The following PTPRG variants were observed in gnomAD, a reference collection of about 807,000 sequenced individuals.
The protein encoded by PTPRG is receptor-type tyrosine-protein phosphatase gamma.
In PTPRG, 102 loss-of-function variants were observed where a neutral mutation model predicts 165.3. That is an observed-to-expected ratio of 0.62 (90% confidence interval 0.53 to 0.73). The LOEUF (loss-of-function observed/expected upper bound fraction) is 0.73. Among genes scored for constraint, PTPRG ranks in the 30% least tolerant of loss-of-function variants. The pLI is 0.00. For synonymous variants in PTPRG, 675 were observed against 669.5 expected, an observed-to-expected ratio of 1.01 and a Z score of -0.13; for missense variants, 1,866 against 1,861.4, an observed-to-expected ratio of 1.00 and a Z score of -0.05.
At chr3:61,969,896 A>G (rs2040346943) in intron 2 of PTPRG, among the ~76,000 whole-genome samples, 1 of 152,184 alleles carries the variant, frequency 6.6e-6, no homozygotes, top group Admixed American at 6.5e-5. Flanking sequence ...CACTGGTAGA[A>G]TAGATTAATT....
At chr3:62,062,972 C>A (rs1461990125) in intron 4 of PTPRG, among the ~76,000 whole-genome samples, 2 of 152,204 alleles carry the variant, frequency 1.3e-5, no homozygotes, top group Non-Finnish European at 2.9e-5. Flanking sequence ...GGCATTCTTA[C>A]TTGCCCTGTG....
chr3:62,247,567 G>C (rs1188160908), intron 15 of PTPRG, among the ~76,000 whole-genome samples: 1 of 151,904 alleles, frequency 6.6e-6, no homozygotes, highest in African/African-American at 2.4e-5. Flanking sequence ...TCTCATCTCT[G>C]TTCTCTACTT....
chr3:61,663,022 A>C (rs1385939611), intron 1 of PTPRG, among the ~76,000 whole-genome samples: 3 of 152,170 alleles, frequency 2.0e-5, no homozygotes, highest in Non-Finnish European at 4.4e-5. Context: ...GGTGGCTCAC[A>C]CCTGTAATCT....
chr3:62,015,053 G>C (rs1319645472), intron 4 of PTPRG, among the ~76,000 whole-genome samples: 1 of 152,210 alleles, frequency 6.6e-6, no homozygotes, highest in African/African-American at 2.4e-5. Flanking sequence ...AAATAGTTCA[G>C]TGGAGAGCTT....
At chr3:61,944,413 G>A (rs909567479) in intron 2 of PTPRG, among the ~76,000 whole-genome samples, 35 of 152,188 alleles carry the variant, frequency 2.3e-4, no homozygotes, top group African/African-American at 6.5e-4. Context: ...GGTGGACACC[G>A]TGCTTCCATC....
intron 4 of PTPRG, among the ~76,000 whole-genome samples, chr3:62,031,760 G>A (rs1699776529): frequency 6.6e-6 from 1 of 152,170 alleles, no homozygotes; most frequent in South Asian, 2.1e-4. Flanking sequence ...TGGCAAATGA[G>A]GTTGACAATT....
intron 2 of PTPRG, among the ~76,000 whole-genome samples, chr3:61,819,482 G>A (rs578245095): frequency 6.6e-6 from 1 of 152,234 alleles, no homozygotes; most frequent in Non-Finnish European, 1.5e-5. Flanking sequence ...CAGTTTTGTG[G>A]CCCTGAATAA....
intron 2 of PTPRG, among the ~76,000 whole-genome samples, chr3:61,802,859 G>T (rs1436195095): frequency 2.0e-5 from 3 of 152,122 alleles, no homozygotes; most frequent in African/African-American, 7.2e-5. Flanking sequence ...GGTAATTCAA[G>T]TTCAGATCTG....
chr3:61,938,436 G>T (rs566837980), intron 2 of PTPRG, among the ~76,000 whole-genome samples: 1 of 152,176 alleles, frequency 6.6e-6, no homozygotes, highest in Admixed American at 6.5e-5. Flanking sequence ...CCTGGAGTTT[G>T]ATGTAAATTG....
chr3:62,267,992 T>G (rs1359681060), intron 19 of PTPRG, among the ~76,000 whole-genome samples, 173 bp downstream of exon 19: 2 of 152,096 alleles, frequency 1.3e-5, no homozygotes, highest in African/African-American at 4.8e-5. Context: ...TAAGGCATTA[T>G]GAGAGTAAAT....
chr3:61,956,341 G>A (rs1271172679), intron 2 of PTPRG, among the ~76,000 whole-genome samples: 1 of 151,938 alleles, frequency 6.6e-6, no homozygotes, highest in African/African-American at 2.4e-5. Context: ...TTATTCTACA[G>A]GGAAGAAGAG....
At chr3:62,221,991 T>A (rs1370824714) in intron 13 of PTPRG, among the ~76,000 whole-genome samples, 2 of 152,226 alleles carry the variant, frequency 1.3e-5, no homozygotes, top group Admixed American at 1.3e-4. Flanking sequence ...ACTCATGTGA[T>A]TCTCACAACA....
chr3:61,600,269 C>T (rs1700826965), intron 1 of PTPRG, among the ~76,000 whole-genome samples: 1 of 150,678 alleles, frequency 6.6e-6, no homozygotes, highest in South Asian at 2.1e-4. Context: ...ATCTTCTACT[C>T]ATCTTTTATT....
At chr3:61,646,888 T>G (rs1702215600) in intron 1 of PTPRG, among the ~76,000 whole-genome samples, 1 of 152,220 alleles carries the variant, frequency 6.6e-6, no homozygotes, top group Admixed American at 6.5e-5. Context: ...ACATAACCTT[T>G]TGGTGCTGGC....
intron 5 of PTPRG, among the ~76,000 whole-genome samples, chr3:62,108,422 AT>A (rs1279430301): frequency 1.3e-5 from 2 of 152,144 alleles, no homozygotes; most frequent in African/African-American, 2.4e-5. Flanking sequence ...TATGTACCAC[AT>A]TTTCTAAATC....
At chr3:61,875,708 G>A (rs1316427082) in intron 2 of PTPRG, among the ~76,000 whole-genome samples, 6 of 152,080 alleles carry the variant, frequency 3.9e-5, no homozygotes, top group Non-Finnish European at 5.9e-5. Flanking sequence ...TGCCTTTGCC[G>A]AGGTCTTTCT....
chr3:62,069,385 T>C (rs9851070), intron 4 of PTPRG, among the ~76,000 whole-genome samples: 110,013 of 152,006 alleles, frequency 0.72, 40,439 homozygotes, highest in Non-Finnish European at 0.79. Flanking sequence ...GATATTTTTC[T>C]GTAAGCTGTA....
intron 1 of PTPRG, among the ~76,000 whole-genome samples, chr3:61,718,942 A>G (rs188490076): frequency 1.2e-3 from 182 of 152,236 alleles, no homozygotes; most frequent in African/African-American, 4.3e-3. Context: ...TCGACATTGA[A>G]TTTGTACCTC....
At chr3:62,067,207 G>C (rs747865772) in intron 4 of PTPRG, among the ~76,000 whole-genome samples, 43 of 151,916 alleles carry the variant, frequency 2.8e-4, no homozygotes, top group Non-Finnish European at 5.4e-4. Context: ...GTGTAGGACA[G>C]GGTTTCTGCA....
Sources: gnomAD v4.1 joint callset for allele counts (sites outside exome capture counted in the v4.1 genomes callset) on GRCh38, gnomAD v4.1.1 for gene constraint, MANE v1.5 for transcripts, NCBI Gene and HGNC (gene_info 2026-07-23, HGNC 2026-07-21) for gene names.